RGS8: variants seen among roughly 807,000 people sequenced by gnomAD.
RGS8 encodes regulator of G-protein signaling 8.
Under a neutral mutation model 21.7 loss-of-function variants are expected in RGS8, and 8 were observed. That is an observed-to-expected ratio of 0.37 (90% confidence interval 0.22 to 0.66). RGS8 has a LOEUF of 0.66. RGS8 is among the 30% of genes least tolerant of loss of function. RGS8 has a pLI of 0.59. For missense variants in RGS8, 157 were observed against 217.9 expected (o/e 0.72, Z 1.76); for synonymous variants, 80 against 83.6 (o/e 0.96, Z 0.24).
At chr1:182,742,347 C>T in the RGS8 span, among the ~76,000 whole-genome samples, 1 of 151,822 alleles carries the variant, frequency 6.6e-6, no homozygotes, top group East Asian at 1.9e-4. Context: ...GGCGGCCGGG[C>T]AGAGGCTGCA....
At chr1:182,722,968 A>G in the RGS8 span, among the ~76,000 whole-genome samples, 1 of 151,754 alleles carries the variant, frequency 6.6e-6, no homozygotes, top group African/African-American at 2.4e-5. Context: ...ACAGAGTGAG[A>G]CTCGGTCTCA....
At chr1:182,666,110 A>G in intron 4 of RGS8, 77 bp from the exon 6 acceptor site, 1 of 1,302,574 alleles carries the variant, frequency 7.7e-7, no homozygotes. Context: ...AGATTTGCTC[A>G]AGAAAACAAA....
the RGS8 span, among the ~76,000 whole-genome samples, chr1:182,708,717 T>C: frequency 1.3e-5 from 2 of 152,360 alleles, no homozygotes; most frequent in Admixed American, 6.5e-5. Flanking sequence ...CTTCAAAGTT[T>C]GCGGAGTAAG....
the RGS8 span, among the ~76,000 whole-genome samples, chr1:182,694,662 G>A: frequency 6.6e-6 from 1 of 151,994 alleles, no homozygotes; most frequent in Non-Finnish European, 1.5e-5. Context: ...CAAAAAATTA[G>A]CCAGATGTGG....
At chr1:182,737,075 A>G in the RGS8 span, among the ~76,000 whole-genome samples, 1 of 152,134 alleles carries the variant, frequency 6.6e-6, no homozygotes, top group African/African-American at 2.4e-5. Flanking sequence ...GGAAGAATCT[A>G]TTCTTGCCTC....
intron 5 of RGS8, among the ~76,000 whole-genome samples, chr1:182,653,856 A>G (rs57742392): frequency 0.027 from 4,125 of 152,290 alleles, 187 homozygotes; most frequent in African/African-American, 0.091. Context: ...GAGGAGCAAA[A>G]AGAGGAGCTA....
chr1:182,682,010 C>A (rs1440095595), intron 1 of RGS8, among the ~76,000 whole-genome samples: 1 of 152,130 alleles, frequency 6.6e-6, no homozygotes, highest in Non-Finnish European at 1.5e-5. Flanking sequence ...AAAAATACCC[C>A]CCAGGCACAG....
downstream of RGS8, chr1:182,646,006 G>A (rs1177565432): frequency 1.3e-5 from 2 of 152,228 alleles, no homozygotes; most frequent in East Asian, 3.8e-4. Context: ...TTTGCAAGCT[G>A]TATCTTTCTT....
chr1:182,719,727 C>T, the RGS8 span, among the ~76,000 whole-genome samples: 1 of 150,946 alleles, frequency 6.6e-6, no homozygotes, highest in African/African-American at 2.4e-5. Flanking sequence ...CCACACCCGA[C>T]TATTTTTCAT....
chr1:182,698,367 T>A, the RGS8 span, among the ~76,000 whole-genome samples: 1 of 152,182 alleles, frequency 6.6e-6, no homozygotes. Flanking sequence ...TATTTTAAAG[T>A]GCTGTGACTT....
At chr1:182,721,028 T>A in the RGS8 span, among the ~76,000 whole-genome samples, 3 of 86,136 alleles carry the variant, frequency 3.5e-5, no homozygotes, top group East Asian at 3.5e-4. Flanking sequence ...CATATATATG[T>A]GTGTATATAT....
At chr1:182,741,915 G>A in the RGS8 span, among the ~76,000 whole-genome samples, 1 of 146,150 alleles carries the variant, frequency 6.8e-6, no homozygotes, top group African/African-American at 2.5e-5. Context: ...GGAGGTGGCT[G>A]CCGGGCGGAG....
upstream of RGS8, among the ~76,000 whole-genome samples, chr1:182,675,945 C>T (rs999371127): frequency 3.3e-5 from 5 of 151,970 alleles, no homozygotes; most frequent in Non-Finnish European, 4.4e-5. Flanking sequence ...GAGTAAATGT[C>T]GGCTAAATTT....
At chr1:182,732,272 T>TACACAC in the RGS8 span, among the ~76,000 whole-genome samples, 5,625 of 132,532 alleles carry the variant, frequency 0.042, 149 homozygotes, top group East Asian at 0.15. Flanking sequence ...CTCTCTCTCA[T>TACACAC]ACACACACAC....
At chr1:182,670,793 A>G (rs529110386) in intron 2 of RGS8, among the ~76,000 whole-genome samples, 63 of 152,364 alleles carry the variant, frequency 4.1e-4, no homozygotes, top group Non-Finnish European at 2.9e-4. Context: ...TAGACTGTGT[A>G]TGAAGGTCCA....
intron 5 of RGS8, among the ~76,000 whole-genome samples, chr1:182,648,898 C>T (rs1447855414): frequency 2.6e-5 from 4 of 152,092 alleles, no homozygotes; most frequent in East Asian, 1.9e-4. Flanking sequence ...GTCAGGAGTT[C>T]GAGACCAGCC....
chr1:182,721,025 A>G, the RGS8 span, among the ~76,000 whole-genome samples: 17 of 84,592 alleles, frequency 2.0e-4, no homozygotes, highest in African/African-American at 8.0e-4. Flanking sequence ...ACACATATAT[A>G]TGTGTGTATA....
intron 5 of RGS8, among the ~76,000 whole-genome samples, chr1:182,665,307 T>C (rs1241937361): frequency 1.3e-5 from 2 of 152,194 alleles, no homozygotes; most frequent in East Asian, 3.8e-4. Context: ...ATGAAAAGTT[T>C]GGCTGATATC....
chr1:182,699,922 T>C, the RGS8 span, among the ~76,000 whole-genome samples: 1 of 152,020 alleles, frequency 6.6e-6, no homozygotes. Context: ...TCACGGCAAA[T>C]TTAACAGGAG....
Sources: allele counts gnomAD v4.1 joint callset (sites outside exome capture counted in the v4.1 genomes callset), GRCh38; gene constraint gnomAD v4.1.1; transcripts MANE v1.5; gene names NCBI Gene and HGNC (gene_info 2026-07-23, HGNC 2026-07-21).